ZBTB20: variants seen among roughly 807,000 people sequenced by gnomAD.
The protein encoded by ZBTB20 is zinc finger and BTB domain containing 20, also known as zinc finger and BTB domain-containing protein 20.
In ZBTB20, 9 loss-of-function variants were observed where a neutral mutation model predicts 56.9. The ratio of observed to expected loss-of-function variants is 0.16; its 90% CI spans 0.10 to 0.28. The LOEUF (loss-of-function observed/expected upper bound fraction) is 0.28, where lower values mean the gene tolerates loss of function less well. Ranked by LOEUF, ZBTB20 falls within the 10% of genes least tolerant of loss-of-function variation. The pLI, the probability that ZBTB20 is intolerant of heterozygous loss-of-function variation, is 1.00. For missense variants in ZBTB20, 655 were observed against 1,003.0 expected, an observed-to-expected ratio of 0.65 and a Z score of 4.69; for synonymous variants, 417 against 420.7, an observed-to-expected ratio of 0.99 and a Z score of 0.11.
intron 7 of ZBTB20, among the ~76,000 whole-genome samples, chr3:114,461,185 A>G (rs1448666774): frequency 6.6e-6 from 1 of 152,118 alleles, no homozygotes; most frequent in Non-Finnish European, 1.5e-5. Context: ...TTCAGAAGTG[A>G]GTGCTCTCTT....
intron 6 of ZBTB20, among the ~76,000 whole-genome samples, chr3:114,517,918 T>C (rs2046203218): frequency 6.6e-6 from 1 of 152,270 alleles, no homozygotes; most frequent in South Asian, 2.1e-4. Context: ...CCAGGCCCTA[T>C]GCTGAAGATA....
intron 7 of ZBTB20, among the ~76,000 whole-genome samples, chr3:114,494,234 T>C (rs2043041339): frequency 6.6e-6 from 1 of 152,200 alleles, no homozygotes; most frequent in Non-Finnish European, 1.5e-5. Context: ...AACTAGGCTT[T>C]TGTCCATTAT....
chr3:114,614,733 C>CTTTT (rs1291937445), intron 6 of ZBTB20, among the ~76,000 whole-genome samples: 2 of 116,660 alleles, frequency 1.7e-5, no homozygotes, highest in South Asian at 3.0e-4. Context: ...ATAGTGGCCA[C>CTTTT]TTTTTTTGTT....
chr3:115,143,548 G>C (rs1340689033), intron 1 of ZBTB20, among the ~76,000 whole-genome samples: 3 of 152,116 alleles, frequency 2.0e-5, no homozygotes, highest in African/African-American at 7.2e-5. Flanking sequence ...TTAGGTACTT[G>C]ATTTTTCAGA....
At chr3:114,670,731 C>A (rs2061319729) in intron 6 of ZBTB20, among the ~76,000 whole-genome samples, 1 of 152,012 alleles carries the variant, frequency 6.6e-6, no homozygotes, top group Non-Finnish European at 1.5e-5. Context: ...AAAACATAAA[C>A]CCTCTTAAAA....
At chr3:115,122,540 G>C (rs569911288) in intron 1 of ZBTB20, among the ~76,000 whole-genome samples, 2 of 150,908 alleles carry the variant, frequency 1.3e-5, no homozygotes, top group African/African-American at 4.9e-5. Context: ...CTATATCTCT[G>C]AGGAGATCCT....
At chr3:114,419,409 A>C (rs1210638551) in intron 7 of ZBTB20, among the ~76,000 whole-genome samples, 1 of 152,094 alleles carries the variant, frequency 6.6e-6, no homozygotes, top group Non-Finnish European at 1.5e-5. Context: ...GATTTGAGAA[A>C]GGACTGACTA....
At chr3:115,121,716 A>G (rs945151075) in intron 1 of ZBTB20, among the ~76,000 whole-genome samples, 3 of 152,062 alleles carry the variant, frequency 2.0e-5, no homozygotes, top group Admixed American at 1.3e-4. Context: ...CTTATCTTCA[A>G]GGAACATAAT....
Position 114,570,808 on chromosome 3 carries a change from A to T in ZBTB20, c.-294-70417T>A, listed in dbSNP as rs977316698. Among the ~76,000 whole-genome samples, 13 of 152,284 alleles carry T rather than the reference A, an allele frequency of 8.5e-5. 1 individual carries two copies. Among genetic ancestry groups the T allele is most frequent in the Admixed American group, 2.6e-4 (4 of 15,302 alleles). Reference sequence around the variant, plus strand: ...CAGATCTGGTTGCCTTTTCATATTGATTTGGACTGAGATAATTAAATTTGG... The same window carrying T: ...CAGATCTGGTTGCCTTTTCATATTGTTTTGGACTGAGATAATTAAATTTGG... On this transcript the variant is annotated intron_variant, in intron 6 of 11. Coordinates refer to ENST00000675478, the MANE Select transcript of ZBTB20 (RefSeq NM_001348800.3).
intron 5 of ZBTB20, among the ~76,000 whole-genome samples, chr3:114,791,265 G>A (rs1228664565): frequency 6.6e-6 from 1 of 152,162 alleles, no homozygotes; most frequent in Non-Finnish European, 1.5e-5. Flanking sequence ...GGTAAGCAAT[G>A]ATAACGTAGA....
At chr3:114,523,652 C>T (rs2046891779) in intron 6 of ZBTB20, among the ~76,000 whole-genome samples, 1 of 152,046 alleles carries the variant, frequency 6.6e-6, no homozygotes, top group Non-Finnish European at 1.5e-5. Flanking sequence ...TCCATAGTTG[C>T]AGGAGAGAAG....
intron 4 of ZBTB20, among the ~76,000 whole-genome samples, chr3:114,817,479 T>C (rs1007475713): frequency 6.6e-6 from 1 of 151,434 alleles, no homozygotes; most frequent in African/African-American, 2.4e-5. Context: ...GATCACACTA[T>C]TGCACTATAG....
intron 6 of ZBTB20, among the ~76,000 whole-genome samples, chr3:114,572,228 G>A (rs924220460): frequency 6.6e-6 from 1 of 152,164 alleles, no homozygotes; most frequent in Non-Finnish European, 1.5e-5. Context: ...AAAATATCTT[G>A]AAAGATGTTT....
chr3:114,775,808 C>T (rs1467896298), intron 5 of ZBTB20, among the ~76,000 whole-genome samples: 1 of 152,068 alleles, frequency 6.6e-6, no homozygotes, highest in African/African-American at 2.4e-5. Flanking sequence ...ATTCTTCTTG[C>T]CTTAGGCACA....
At chr3:115,082,033 T>A (rs775064834) in intron 1 of ZBTB20, among the ~76,000 whole-genome samples, 2 of 152,154 alleles carry the variant, frequency 1.3e-5, no homozygotes, top group African/African-American at 4.8e-5. Context: ...AAAAACAACA[T>A]TAAAATGGCA....
At chr3:114,593,948 A>G (rs2056063474) in intron 6 of ZBTB20, among the ~76,000 whole-genome samples, 1 of 152,140 alleles carries the variant, frequency 6.6e-6, no homozygotes, top group South Asian at 2.1e-4. Flanking sequence ...CTTCTTTTTT[A>G]GTAGGAGTAG....
intron 6 of ZBTB20, among the ~76,000 whole-genome samples, chr3:114,504,421 T>G (rs887269642): frequency 1.3e-5 from 2 of 152,106 alleles, no homozygotes; most frequent in African/African-American, 4.8e-5. Context: ...ACAAAATAAA[T>G]AGTAAATACA....
At chr3:114,711,054 A>T (rs896470817) in intron 5 of ZBTB20, among the ~76,000 whole-genome samples, 1 of 152,096 alleles carries the variant, frequency 6.6e-6, no homozygotes, top group East Asian at 1.9e-4. Flanking sequence ...TAATTTAAAT[A>T]TTTGCTCAAA....
chr3:114,875,218 G>C (rs778323420), intron 4 of ZBTB20, among the ~76,000 whole-genome samples: 24 of 152,030 alleles, frequency 1.6e-4, no homozygotes, highest in Non-Finnish European at 2.9e-5. Context: ...AAACTGATTA[G>C]CACTTTGCAT....
Sources: allele counts gnomAD v4.1 joint callset (sites outside exome capture counted in the v4.1 genomes callset), GRCh38; gene constraint gnomAD v4.1.1; transcripts MANE v1.5; gene names NCBI Gene and HGNC (gene_info 2026-07-23, HGNC 2026-07-21).